Variants in CSMD1 observed in about 807,000 individuals in gnomAD.
The protein encoded by CSMD1 is CUB and sushi domain-containing protein 1.
CSMD1 carries 213 observed loss-of-function variants against 417.5 expected under a neutral mutation model. That is an observed-to-expected ratio of 0.51 (90% confidence interval 0.46 to 0.57). The LOEUF (loss-of-function observed/expected upper bound fraction) is 0.57, where lower values mean the gene tolerates loss of function less well. Among genes scored for constraint, CSMD1 ranks in the 20% least tolerant of loss-of-function variants. CSMD1 has a pLI of 0.00. For missense variants in CSMD1, 6,923 were observed against 4,529.7 expected, an observed-to-expected ratio of 1.53 and a Z score of -15.17; for synonymous variants, 2,862 against 1,736.8, an observed-to-expected ratio of 1.65 and a Z score of -16.11.
intron 7 of CSMD1, among the ~76,000 whole-genome samples, chr8:3,620,510 C>T (rs921591564): frequency 6.6e-6 from 1 of 152,006 alleles, no homozygotes. Flanking sequence ...TAATTTACAA[C>T]AGCAATAGCA....
At chr8:3,979,892 A>G (rs538193169) in intron 5 of CSMD1, among the ~76,000 whole-genome samples, 1 of 152,352 alleles carries the variant, frequency 6.6e-6, no homozygotes, top group African/African-American at 2.4e-5. Context: ...TAAACTTTGT[A>G]AACTGAAAGG....
At chr8:3,982,469 T>C (rs979095869) in intron 5 of CSMD1, among the ~76,000 whole-genome samples, 4 of 152,246 alleles carry the variant, frequency 2.6e-5, no homozygotes, top group African/African-American at 9.6e-5. Context: ...TGATTACTAT[T>C]AGTATATACT....
chr8:4,680,146 C>T, intron 1 of CSMD1, among the ~76,000 whole-genome samples: 1 of 152,168 alleles, frequency 6.6e-6, no homozygotes, highest in South Asian at 2.1e-4. Context: ...TATGAATATA[C>T]ACAGCAGTGT....
At chr8:4,006,331 G>A (rs1052744331) in intron 4 of CSMD1, among the ~76,000 whole-genome samples, 2 of 152,188 alleles carry the variant, frequency 1.3e-5, no homozygotes, top group Non-Finnish European at 2.9e-5. Flanking sequence ...ATCACCTGAG[G>A]TCAGCAGTTT....
At chr8:4,123,653 G>C (rs1367546615) in intron 3 of CSMD1, among the ~76,000 whole-genome samples, 4 of 152,144 alleles carry the variant, frequency 2.6e-5, no homozygotes, top group African/African-American at 4.8e-5. Context: ...ATGGGAACTG[G>C]TAACACTCTT....
intron 3 of CSMD1, among the ~76,000 whole-genome samples, chr8:4,403,256 G>A (rs1426602392): frequency 6.6e-6 from 1 of 152,082 alleles, no homozygotes; most frequent in Non-Finnish European, 1.5e-5. Flanking sequence ...TACGTTAAAG[G>A]CAAAACAGTC....
chr8:4,169,857 A>G (rs1318841091), intron 3 of CSMD1, among the ~76,000 whole-genome samples: 1 of 151,898 alleles, frequency 6.6e-6, no homozygotes, highest in East Asian at 1.9e-4. Context: ...ATGCGTCATC[A>G]TTTAGGATAC....
In CSMD1 at chr8:3,348,586, T is replaced by A. The variant is rs143668612; in HGVS notation, c.3305-425A>T. 5.9e-5 allele frequency among the ~76,000 whole-genome samples: 9 copies of A among 152,304 alleles called. No individual in the cohort carries two copies. The South Asian group carries it at 1.9e-3, about 32-fold the overall frequency. ...CATTGTTTGTCTGCATTTTCCTTCA[T>A]TGACATCTTATGGCATCAACTGGGA... On this transcript the variant is annotated intron_variant, in intron 21 of 69. Coordinates refer to ENST00000635120, the MANE Select transcript of CSMD1 (RefSeq NM_033225.6).
chr8:3,748,780 A>G (rs972681816), intron 6 of CSMD1, among the ~76,000 whole-genome samples: 1 of 152,228 alleles, frequency 6.6e-6, no homozygotes, highest in South Asian at 2.1e-4. Flanking sequence ...TTTGGTATAA[A>G]GGTCTTCATT....
chr8:3,251,366 A>T (rs557640117), intron 26 of CSMD1, among the ~76,000 whole-genome samples: 2 of 152,256 alleles, frequency 1.3e-5, no homozygotes, highest in South Asian at 2.1e-4. Flanking sequence ...CAAAGATCAG[A>T]TAGTTGTAGA....
intron 3 of CSMD1, among the ~76,000 whole-genome samples, chr8:4,343,624 T>C (rs534745249): frequency 1.2e-4 from 18 of 152,258 alleles, no homozygotes; most frequent in South Asian, 6.2e-4. Context: ...AAGCAGACTA[T>C]GTGCACTAGA....
chr8:4,877,148 C>A (rs1803094842), intron 1 of CSMD1, among the ~76,000 whole-genome samples: 1 of 151,872 alleles, frequency 6.6e-6, no homozygotes, highest in Non-Finnish European at 1.5e-5. Flanking sequence ...TTTTTCATGA[C>A]ACATTTTACA....
At chr8:3,899,948 G>A (rs1807617985) in intron 5 of CSMD1, among the ~76,000 whole-genome samples, 1 of 152,242 alleles carries the variant, frequency 6.6e-6, no homozygotes, top group African/African-American at 2.4e-5. Context: ...AATTCCCATG[G>A]GAAGGGTAGT....
At chr8:3,410,892 A>G (rs1812658422) in intron 12 of CSMD1, among the ~76,000 whole-genome samples, 1 of 152,096 alleles carries the variant, frequency 6.6e-6, no homozygotes, top group Non-Finnish European at 1.5e-5. Flanking sequence ...ATGATGGGTA[A>G]TTTAACACAA....
At chr8:3,503,180 T>G (rs1241068012) in intron 10 of CSMD1, among the ~76,000 whole-genome samples, 1 of 152,168 alleles carries the variant, frequency 6.6e-6, no homozygotes, top group Non-Finnish European at 1.5e-5. Context: ...AAAAAGTACT[T>G]TGAACACACA....
At chr8:3,640,905 T>C (rs1797273638) in intron 7 of CSMD1, among the ~76,000 whole-genome samples, 6 of 152,022 alleles carry the variant, frequency 3.9e-5, no homozygotes, top group African/African-American at 2.4e-5. Context: ...GCATTAATCA[T>C]GGTTTGCCAG....
chr8:3,361,526 C>A (rs1356664118), intron 20 of CSMD1, among the ~76,000 whole-genome samples: 2 of 151,482 alleles, frequency 1.3e-5, no homozygotes, highest in African/African-American at 4.9e-5. Context: ...GTGGTGCATG[C>A]CTGTAATCCC....
intron 2 of CSMD1, among the ~76,000 whole-genome samples, chr8:4,463,751 G>A (rs1024441390): frequency 4.6e-5 from 7 of 152,120 alleles, no homozygotes; most frequent in Admixed American, 6.5e-5. Context: ...TGGGGCTGAG[G>A]GAAAATAGTG....
chr8:3,755,141 G>C (rs1584948950), intron 5 of CSMD1, among the ~76,000 whole-genome samples: 1 of 152,286 alleles, frequency 6.6e-6, no homozygotes, highest in Middle Eastern at 3.4e-3. Flanking sequence ...TAAAGCTCCT[G>C]CCCGTTAGAG....
Sources: gnomAD v4.1 joint callset for allele counts (sites outside exome capture counted in the v4.1 genomes callset) on GRCh38, gnomAD v4.1.1 for gene constraint, MANE v1.5 for transcripts, NCBI Gene and HGNC (gene_info 2026-07-23, HGNC 2026-07-21) for gene names.